Variants in MFAP2 observed in about 807,000 individuals in gnomAD.
MFAP2 encodes microfibril associated protein 2.
Under a neutral mutation model 30.6 loss-of-function variants are expected in MFAP2, and 23 were observed. That is an observed-to-expected ratio of 0.75 (90% CI 0.54 to 1.07). The LOEUF is 1.07. MFAP2 is among the 50% of genes least tolerant of loss of function. The pLI, the probability that MFAP2 is intolerant of heterozygous loss-of-function variation, is 0.00. For missense variants in MFAP2, 198 were observed against 223.8 expected, an observed-to-expected ratio of 0.88 and a Z score of 0.74; for synonymous variants, 73 against 85.7, an observed-to-expected ratio of 0.85 and a Z score of 0.82.
rs768159289 is a variant in MFAP2, at chr1:16,974,989, G to A, written c.483C>T (p.Gly161=). The change falls in exon 9 of 9, where the codon GGC becomes GGT. Residue 161 remains glycine, a synonymous_variant. Coordinates refer to ENST00000375535, the MANE Select transcript of MFAP2 (RefSeq NM_002403.4). ...GGCACAGGCCGCTGCTGGCCATCAC[G>A]CCACATTTGGAGAACTTGTCCCGAC... ...DLCRDKFSKC[G]VMASSGLCQS... 12 of 1,006,876 alleles carry A rather than the reference G, an allele frequency of 1.2e-5. No individual in the cohort carries two copies. The highest frequency in any genetic ancestry group is 8.0e-5 in the Admixed American group (4 of 49,772). 62.4% of individuals were successfully genotyped at this position (1,006,876 alleles called of 1,614,324 possible).
intron 2 of MFAP2, 90 bp downstream of exon 2, chr1:16,978,147 G>C: frequency 7.1e-7 from 1 of 1,408,546 alleles, no homozygotes. Context: ...GTCATAAGTC[G>C]TGACAAAGGC....
chr1:16,976,722 G>T lies in MFAP2; in HGVS notation c.227C>A (p.Pro76Gln), dbSNP rs563214141. Reference protein sequence around the residue: ...SQQQVQQEVIPAPTPEPGNAE... With the variant: ...SQQQVQQEVIQAPTPEPGNAE... Reference sequence around the variant, plus strand: ...CTGGGGCCTACCTGGGGTTGGGGCTGGGATGACTTCCTGTTGGACTTGCTG... The same window carrying T: ...CTGGGGCCTACCTGGGGTTGGGGCTTGGATGACTTCCTGTTGGACTTGCTG... Residue 76 changes from proline to glutamine, a missense_variant, in exon 5 of 9, where the codon CCA becomes CAA. Physicochemically the swap from Pro to Gln is moderately conservative, Grantham distance 76. Transcript: ENST00000375535. The surrounding 1 kb of genome is among the most constrained non-coding windows in gnomAD (Gnocchi z 5.5). 3.2e-5 allele frequency: 51 copies of T among 1,613,826 alleles called. 1 individual carries two copies. The South Asian group carries it at 5.4e-4, about 17-fold the overall frequency.
intron 1 of MFAP2, chr1:16,978,906 G>C (rs918301474): frequency 3.3e-5 from 5 of 152,334 alleles, no homozygotes; most frequent in Admixed American, 1.3e-4. Flanking sequence ...AGGGCTCCCA[G>C]CTCCCAGAAG....
intron 2 of MFAP2, 132 bp downstream of exon 2, chr1:16,978,105 G>A (rs745490882): frequency 2.1e-5 from 21 of 1,011,496 alleles, no homozygotes; most frequent in South Asian, 4.9e-5. Flanking sequence ...CAAGCAGGCA[G>A]AAGGCCCTGG....
intron 2 of MFAP2, 48 bp downstream of exon 2, chr1:16,978,189 C>T: frequency 6.5e-7 from 1 of 1,544,096 alleles, no homozygotes; most frequent in Non-Finnish European, 8.8e-7. Context: ...AACCCTACTC[C>T]TCAGCCCCAC....
At position 16,976,201 on chromosome 1, in the gene MFAP2, C is replaced by CA; in HGVS notation, c.286+299dup. Reference sequence around the variant, plus strand: ...TCCTCGCCTCCACATGTGCACCACTCAGTCTCTCTGGCTGGCAGGAAGCCC... The same window carrying CA: ...TCCTCGCCTCCACATGTGCACCACTCAAGTCTCTCTGGCTGGCAGGAAGCCC... On this transcript the variant is annotated intron_variant, in intron 6 of 8. Transcript: ENST00000375535. The surrounding 1 kb of genome is among the most constrained non-coding windows in gnomAD (Gnocchi z 5.5). The CA allele has an allele frequency of 1.8e-6, 1 of 563,928 alleles. No individual in the cohort carries two copies. Among genetic ancestry groups the CA allele is most frequent in the Non-Finnish European group, 3.2e-6 (1 of 314,382 alleles). 34.9% of individuals were successfully genotyped at this position (563,928 alleles called of 1,614,324 possible).
At chr1:16,980,118 G>T (rs956569074) in intron 1 of MFAP2, among the ~76,000 whole-genome samples, 2 of 152,100 alleles carry the variant, frequency 1.3e-5, no homozygotes, top group Admixed American at 1.3e-4. Context: ...CGGGCTCAGG[G>T]GGAGGGGTCC....
At position 16,975,847 on chromosome 1, in the gene MFAP2, C is replaced by T; in HGVS notation, c.287-117G>A. Reference sequence around the variant, plus strand: ...CCTGTACCTTCAGGCCCCGTGCAGACACCCATACCTACACATGCCCACATA... The same window carrying T: ...CCTGTACCTTCAGGCCCCGTGCAGATACCCATACCTACACATGCCCACATA... On this transcript the variant is annotated intron_variant, in intron 6 of 8. Coordinates refer to ENST00000375535, the MANE Select transcript of MFAP2 (RefSeq NM_002403.4). This position sits in a 1 kb window ranked among gnomAD's most constrained non-coding sequence, Gnocchi z 5.0. The T allele has an allele frequency of 1.3e-6, 1 of 768,850 alleles. No individual in the cohort carries two copies. Among genetic ancestry groups the T allele is most frequent in the Non-Finnish European group, 2.2e-6 (1 of 462,178 alleles). 47.6% of individuals were successfully genotyped at this position (768,850 alleles called of 1,614,324 possible).
At chr1:16,980,267 A>ACACCCCCCCCCCC (rs1557656639) in intron 1 of MFAP2, among the ~76,000 whole-genome samples, 2 of 80,298 alleles carry the variant, frequency 2.5e-5, no homozygotes, top group Non-Finnish European at 4.5e-5. Context: ...TTCCCACCGG[A>ACACCCCCCCCCCC]CCCCCCCCCC....
upstream of MFAP2, among the ~76,000 whole-genome samples, chr1:16,981,108 C>T (rs1254658591): frequency 6.6e-6 from 1 of 152,194 alleles, no homozygotes; most frequent in Admixed American, 6.5e-5. Flanking sequence ...GAGCTCTGGG[C>T]CATGGCTGGC....
At chr1:16,980,406 C>A (rs1158444764) in intron 1 of MFAP2, among the ~76,000 whole-genome samples, 181 bp downstream of exon 1, 1 of 151,944 alleles carries the variant, frequency 6.6e-6, no homozygotes, top group African/African-American at 2.4e-5. Flanking sequence ...CTCTGCAGAG[C>A]AACCCCAAAC....
At chr1:16,978,061 A>C (rs903418128) in intron 2 of MFAP2, 176 bp downstream of exon 2, 1 of 633,508 alleles carries the variant, frequency 1.6e-6, no homozygotes, top group Non-Finnish European at 2.7e-6. Flanking sequence ...CTGCCTCCAG[A>C]TGCTGCCAGG....
chr1:16,980,913 TCA>T, upstream of MFAP2: 1 of 152,594 alleles, frequency 6.6e-6, no homozygotes, highest in East Asian at 1.9e-4. Flanking sequence ...GTTGCCCATT[TCA>T]CAGAGGAGGA....
chr1:16,976,020 G>A lies in MFAP2; in HGVS notation c.287-290C>T, dbSNP rs563310407. Among the ~76,000 whole-genome samples the A allele has an allele frequency of 4.6e-5, 7 of 152,164 alleles. No homozygotes were observed. Among genetic ancestry groups the A allele is most frequent in the Admixed American group, 2.0e-4 (3 of 15,296 alleles). On this transcript the variant is annotated intron_variant, in intron 6 of 8. Transcript: ENST00000375535. The surrounding 1 kb of genome is among the most constrained non-coding windows in gnomAD (Gnocchi z 5.5). ...AGCCCATACCAACTCCCGAGCAGAC[G>A]TGCCCACGCTCACAGAAGCCCACAT... is the stretch of plus-strand genomic sequence containing the variant.
chr1:16,975,359 C>A lies in MFAP2; in HGVS notation c.375-17G>T. 6.2e-7 allele frequency: 1 copy of A among 1,612,008 alleles called. No homozygotes were observed. Among genetic ancestry groups the A allele is most frequent in the Non-Finnish European group, 8.5e-7 (1 of 1,178,892 alleles). On this transcript the variant is annotated splice_polypyrimidine_tract_variant and intron_variant, in intron 7 of 8. Transcript: ENST00000375535. This position sits in a 1 kb window ranked among gnomAD's most constrained non-coding sequence, Gnocchi z 5.0. ...CGGCGGAGGCTGCGGGGACAGGGCA[C>A]GGGAGGTCTCAGCCCCACTTCCACC... is the stretch of plus-strand genomic sequence containing the variant.
rs1005355070 is a variant in MFAP2 at position 16,978,318 on chromosome 1, G to C, written c.-41-4C>G. On this transcript the variant is annotated splice_region_variant and splice_polypyrimidine_tract_variant and intron_variant, in intron 1 of 8. Transcript: ENST00000375535. ...GGGGTGGTGTCAGAGAGGACAGCTG[G>C]GGAAAGACCGGTGGGAGAGCTCTAC... 3 of 1,557,740 alleles carry C rather than the reference G, an allele frequency of 1.9e-6. No homozygotes were observed. Among genetic ancestry groups the C allele is most frequent in the Non-Finnish European group, 2.6e-6 (3 of 1,149,218 alleles).
intron 2 of MFAP2, 114 bp from the exon 3 acceptor site, chr1:16,977,312 C>T: frequency 1.1e-6 from 1 of 920,498 alleles, no homozygotes; most frequent in Middle Eastern, 3.3e-4. Flanking sequence ...GAGCCTAGGA[C>T]CCCACAAGCA....
chr1:16,978,117 A>G, intron 2 of MFAP2, 120 bp downstream of exon 2: 1 of 1,131,662 alleles, frequency 8.8e-7, no homozygotes, highest in Non-Finnish European at 1.3e-6. Context: ...AGGCCCTGGG[A>G]GCTGGGGAGC....
At chr1:16,981,437 C>T (rs944115197), upstream of MFAP2, among the ~76,000 whole-genome samples, 3 of 152,214 alleles carry the variant, frequency 2.0e-5, no homozygotes, top group African/African-American at 4.8e-5. Context: ...CCCTTGGCCC[C>T]GCAGCCTTCC....
Sources: gnomAD v4.1 joint callset for allele counts (sites outside exome capture counted in the v4.1 genomes callset) on GRCh38, gnomAD v4.1.1 for gene constraint, Gnocchi (gnomAD v3.1) non-coding constraint, MANE v1.5 for transcripts, NCBI Gene and HGNC (gene_info 2026-07-23, HGNC 2026-07-21) for gene names.